The following MTMR2 variants were observed in gnomAD, a reference collection of about 807,000 sequenced individuals.
MTMR2 encodes myotubularin related protein 2.
A neutral mutation model predicts 86.9 loss-of-function variants in MTMR2; 55 were observed. That is an observed-to-expected ratio of 0.63 (90% CI 0.51 to 0.79). The LOEUF is 0.79. MTMR2 is among the 30% of genes least tolerant of loss of function. MTMR2 has a pLI of 0.00. For missense variants in MTMR2, 659 were observed against 772.3 expected (o/e 0.85, Z 1.74); for synonymous variants, 241 against 266.8 (o/e 0.90, Z 0.94).
At chr11:95,866,730 GAGA>G (rs1198694140) in intron 2 of MTMR2, among the ~76,000 whole-genome samples, 1 of 148,074 alleles carries the variant, frequency 6.8e-6, no homozygotes, top group East Asian at 2.0e-4. Context: ...CATAAAAGAA[GAGA>G]AGAAGGAAAG....
chr11:95,847,009 T>G (rs563215704), intron 10 of MTMR2, among the ~76,000 whole-genome samples: 2 of 152,310 alleles, frequency 1.3e-5, no homozygotes, highest in Non-Finnish European at 2.9e-5. Context: ...CCTCTTAATA[T>G]TTATATATGT....
In MTMR2 at chr11:95,847,874, T is replaced by A. The variant is rs200384340; in HGVS notation, c.1019A>T (p.Glu340Val). 6.2e-7 allele frequency: 1 copy of A among 1,613,648 alleles called. No homozygotes were observed. Among genetic ancestry groups the A allele is most frequent in the Non-Finnish European group, 8.5e-7 (1 of 1,179,772 alleles). The change falls in exon 10 of 15, where the codon GAA (glutamate) becomes GTA (valine). Residue 340 changes from glutamate (E) to valine (V), a missense_variant. Transcript: ENST00000346299. ...NKAKGGGYES[E>V]DAYQNAELVF... The stretch of plus-strand genomic sequence containing the variant: ...TAGTTCAGCATTTTGATAGGCATCT[T>A]CACTTTCATAACCTCCACCCTTTGC...
chr11:95,912,659 C>T (rs1301348992), intron 1 of MTMR2, among the ~76,000 whole-genome samples: 1 of 151,704 alleles, frequency 6.6e-6, no homozygotes, highest in African/African-American at 2.4e-5. Flanking sequence ...CGAATTCAAA[C>T]TCTTATAGTT....
rs1274874414 is a variant in MTMR2, at chr11:95,838,146, C to T, written c.1541G>A (p.Ser514Asn). The T allele has an allele frequency of 1.2e-6, 2 of 1,611,856 alleles. No individual in the cohort carries two copies. ...FLITILDHLY[S>N]CLFGTFLCNS... is the part of the protein sequence containing the mutation. Reference sequence around the variant, plus strand: ...ACAGAGGAATGTTCCGAATAAGCAGCTGTATAGGTGGTCCAAAATGGTAAT... The same window carrying T: ...ACAGAGGAATGTTCCGAATAAGCAGTTGTATAGGTGGTCCAAAATGGTAAT... Residue 514 changes from serine (S) to asparagine (N), a missense_variant, in exon 13 of 15, where the codon AGC (serine) becomes AAC (asparagine). Ser to Asn is a conservative substitution (Grantham distance 46). Transcript: ENST00000346299.
rs536623942 is a variant in MTMR2, at chr11:95,858,407, T to C, written c.570+124A>G. The C allele has an allele frequency of 5.5e-5, 41 of 747,754 alleles. No homozygotes were observed. In the South Asian group the frequency reaches 5.5e-4, roughly 10 times the overall value. The allele number at this position is 747,754 out of a possible 1,614,324, so 46.3% of individuals were successfully genotyped here. A position where few individuals can be genotyped will look rare whatever the true frequency, so the allele number is the denominator to read the frequency against. ...CTAAGAGACTAAGTTACACTTACAC[T>C]ATACATCTGGTTAAATGTCAAAGCA... On this transcript the variant is annotated intron_variant, in intron 6 of 14. Transcript: ENST00000346299.
intron 1 of MTMR2, among the ~76,000 whole-genome samples, chr11:95,899,101 C>T (rs933773281): frequency 6.6e-6 from 1 of 151,972 alleles, no homozygotes; most frequent in Non-Finnish European, 1.5e-5. Flanking sequence ...AACAATAAGT[C>T]GAAGAATAGA....
intron 10 of MTMR2, 85 bp from the exon 11 acceptor site, chr11:95,845,244 A>T (rs1863737073): frequency 8.8e-7 from 1 of 1,133,054 alleles, no homozygotes; most frequent in African/African-American, 1.5e-5. Context: ...CTTATCAGGG[A>T]TCATTATTTC....
intron 2 of MTMR2, among the ~76,000 whole-genome samples, chr11:95,872,050 T>C (rs191229003): frequency 1.4e-4 from 22 of 151,900 alleles, no homozygotes; most frequent in Admixed American, 8.5e-4. Context: ...GTTGTAGATA[T>C]GTGTGATGCC....
intron 2 of MTMR2, among the ~76,000 whole-genome samples, chr11:95,877,744 T>A (rs1397635622): frequency 6.6e-6 from 1 of 151,968 alleles, no homozygotes; most frequent in East Asian, 1.9e-4. Context: ...GACTGATGCA[T>A]TTACAATCCA....
At chr11:95,882,630 A>G (rs1865370144) in intron 2 of MTMR2, 1 of 152,140 alleles carries the variant, frequency 6.6e-6, no homozygotes, top group African/African-American at 2.4e-5. Context: ...ACTTCAAGAC[A>G]AGACAGATGG....
intron 7 of MTMR2, among the ~76,000 whole-genome samples, chr11:95,851,425 G>A (rs509617): frequency 0.28 from 42,057 of 151,708 alleles, 7,037 homozygotes; most frequent in Non-Finnish European, 0.38. Flanking sequence ...GTGCAATGGC[G>A]CGATCTTGGC....
At chr11:95,920,072 C>G (rs138930619) in intron 1 of MTMR2, among the ~76,000 whole-genome samples, 1 of 152,138 alleles carries the variant, frequency 6.6e-6, no homozygotes, top group African/African-American at 2.4e-5. Context: ...TATTATTTTA[C>G]CTATATCTTA....
rs923986929 is a variant in MTMR2, at chr11:95,894,515, G to A, written c.81-6254C>T. On this transcript the variant is annotated intron_variant, in intron 1 of 14. Transcript: ENST00000346299. Reference sequence around the variant, plus strand: ...AATAAAATTATAACGGCAAAAGTTCGAAGGCAAGAACTATAATTAGTGGCC... The same window carrying A: ...AATAAAATTATAACGGCAAAAGTTCAAAGGCAAGAACTATAATTAGTGGCC... 2.0e-4 allele frequency among the ~76,000 whole-genome samples: 30 copies of A among 152,210 alleles called. 1 individual carries two copies. The highest frequency in any genetic ancestry group is 3.1e-4 in the African/African-American group (13 of 41,548).
chr11:95,922,561 A>G (rs963805898), intron 1 of MTMR2, among the ~76,000 whole-genome samples: 1 of 142,162 alleles, frequency 7.0e-6, no homozygotes, highest in Non-Finnish European at 1.5e-5. Context: ...TACAAATTCG[A>G]AAAAAAAAAA....
intron 2 of MTMR2, among the ~76,000 whole-genome samples, chr11:95,875,480 T>G (rs1865073048): frequency 6.6e-6 from 1 of 152,210 alleles, no homozygotes; most frequent in African/African-American, 2.4e-5. Context: ...CATTGGTTAT[T>G]CTAGTTAGCC....
At chr11:95,878,359 ACAATGAATATATGCCAC>A (rs1390201990) in intron 2 of MTMR2, among the ~76,000 whole-genome samples, 1 of 151,774 alleles carries the variant, frequency 6.6e-6, no homozygotes, top group Non-Finnish European at 1.5e-5. Context: ...TGATACAGTA[ACAATGAATATATGCCAC>A]CATACCTTCG....
At chr11:95,890,264 G>A (rs965508084) in intron 1 of MTMR2, among the ~76,000 whole-genome samples, 1 of 151,706 alleles carries the variant, frequency 6.6e-6, no homozygotes, top group African/African-American at 2.4e-5. Flanking sequence ...CCTTTTTTTT[G>A]TATCTAAATT....
rs1324844050 is a variant in MTMR2 at position 95,849,527 on chromosome 11, C to CA, written c.993+146dup. On this transcript the variant is annotated intron_variant, in intron 9 of 14. Coordinates refer to ENST00000346299, the MANE Select transcript of MTMR2 (RefSeq NM_016156.6). ...GTCTAAAGAGGTTAAATAACTAACT[C>CA]AAAATCACACCATCAAGTTGAAGAG... 8.0e-6 allele frequency: 6 copies of CA among 750,324 alleles called. No individual in the cohort carries two copies. In the Admixed American group the frequency reaches 1.1e-4, roughly 14 times the overall value. 46.5% of individuals were successfully genotyped at this position (750,324 alleles called of 1,614,324 possible). A position where few individuals can be genotyped will look rare whatever the true frequency, so the allele number is the denominator to read the frequency against.
chr11:95,910,825 C>CT (rs1866476583), intron 1 of MTMR2, among the ~76,000 whole-genome samples: 1 of 151,922 alleles, frequency 6.6e-6, no homozygotes, highest in Non-Finnish European at 1.5e-5. Flanking sequence ...ACACAATGCA[C>CT]TATAGTATCA....
Sources: gnomAD v4.1 joint callset for allele counts (sites outside exome capture counted in the v4.1 genomes callset) on GRCh38, gnomAD v4.1.1 for gene constraint, MANE v1.5 for transcripts, NCBI Gene and HGNC (gene_info 2026-07-23, HGNC 2026-07-21) for gene names.